DNAAF9: variants seen among roughly 807,000 people sequenced by gnomAD.
The protein encoded by DNAAF9 is shulin.
A neutral mutation model predicts 167.0 loss-of-function variants in DNAAF9; 90 were observed. The observed-to-expected ratio is 0.54, with a 90% CI of 0.45 to 0.64. The LOEUF (loss-of-function observed/expected upper bound fraction) is 0.64. Ranked by LOEUF, DNAAF9 falls within the 30% of genes least tolerant of loss-of-function variation. The probability of loss-of-function intolerance (pLI) is 0.00; values close to 1 mark genes in which losing one functional copy is unlikely to be tolerated. For synonymous variants in DNAAF9, 491 were observed against 508.8 expected (o/e 0.96, Z 0.47); for missense variants, 1,315 against 1,442.2 (o/e 0.91, Z 1.43).
chr20:3,274,436 C>T (rs778565789), intron 29 of DNAAF9, among the ~76,000 whole-genome samples: 1 of 152,212 alleles, frequency 6.6e-6, no homozygotes, highest in Non-Finnish European at 1.5e-5. Flanking sequence ...AGCCACTGCG[C>T]CTGGCCTGGA....
chr20:3,382,470 G>A lies in DNAAF9; in HGVS notation c.120C>T (p.Thr40=), dbSNP rs747460859. The part of the protein sequence containing the change: ...SRLRQVQSIL[T]QSSKSRPDGI... ...CATCCGGCCGAGACTTGCTGCTCTGGGTCAGGATGCTCTGAACCTGCCGAA... is the reference window on the plus strand; with the variant it reads ...CATCCGGCCGAGACTTGCTGCTCTGAGTCAGGATGCTCTGAACCTGCCGAA... The change falls in exon 2 of 37, where the codon ACC becomes ACT. Residue 40 remains threonine (T), a synonymous_variant. Coordinates refer to ENST00000252032, the MANE Select transcript of DNAAF9 (RefSeq NM_001009984.3). 3.7e-6 allele frequency: 6 copies of A among 1,613,858 alleles called. No individual in the cohort carries two copies. In the South Asian group the frequency reaches 6.6e-5, roughly 18 times the overall value.
At chr20:3,305,961 G>A (rs1054276272) in intron 20 of DNAAF9, among the ~76,000 whole-genome samples, 1 of 152,114 alleles carries the variant, frequency 6.6e-6, no homozygotes, top group Non-Finnish European at 1.5e-5. Context: ...GCCTCATCCT[G>A]TACCAACCCT....
Position 3,256,134 on chromosome 20 carries a change from T to C in DNAAF9, c.3133A>G (p.Thr1045Ala). 6.2e-7 allele frequency: 1 copy of C among 1,614,222 alleles called. No individual in the cohort carries two copies. The highest frequency in any genetic ancestry group is 8.5e-7 in the Non-Finnish European group (1 of 1,180,040). The change falls in exon 34 of 37, where the codon ACA (threonine) becomes GCA (alanine). Residue 1045 changes from threonine to alanine, a missense_variant. Physicochemically the swap from Thr to Ala is moderately conservative, Grantham distance 58. Transcript: ENST00000252032. Reference sequence around the variant, plus strand: ...ACGCTTTTGGAGTCTGGTGGTGGTGTGGGTCCTTCCAAAACTGGCATGATG... The same window carrying C: ...ACGCTTTTGGAGTCTGGTGGTGGTGCGGGTCCTTCCAAAACTGGCATGATG... ...LSIMPVLEGP[T>A]PPPDSKSVSQ...
chr20:3,373,437 C>T (rs189541541), intron 6 of DNAAF9, among the ~76,000 whole-genome samples: 379 of 152,276 alleles, frequency 2.5e-3, no homozygotes, highest in Non-Finnish European at 4.4e-3. Context: ...TACTCTGGAC[C>T]ACACACTGTC....
chr20:3,258,739 G>A (rs1293226767), intron 33 of DNAAF9, among the ~76,000 whole-genome samples: 2 of 152,054 alleles, frequency 1.3e-5, no homozygotes, highest in Non-Finnish European at 2.9e-5. Flanking sequence ...TCTGCTGCTT[G>A]AGCGCCTCAC....
At position 3,381,483 on chromosome 20, in the gene DNAAF9, T is replaced by C; in HGVS notation, c.179A>G (p.Tyr60Cys). The change falls in exon 3 of 37, where the codon TAC (tyrosine) becomes TGC (cysteine). Residue 60 changes from tyrosine to cysteine, a missense_variant. Transcript: ENST00000252032. ...ILCILGIDSR[Y>C]NEGCRELANY... ...TGCCAGCTCTCTGCAGCCTTCATTGTACCTGCTATCGATTCCTGCAAGGCA... is the reference window on the plus strand; with the variant it reads ...TGCCAGCTCTCTGCAGCCTTCATTGCACCTGCTATCGATTCCTGCAAGGCA... 1 of 1,613,850 alleles carries C rather than the reference T, an allele frequency of 6.2e-7. No individual in the cohort carries two copies. The highest frequency in any genetic ancestry group is 8.5e-7 in the Non-Finnish European group (1 of 1,179,890).
chr20:3,298,156 G>A lies in DNAAF9; in HGVS notation c.1802C>T (p.Ala601Val). Residue 601 changes from alanine to valine, a missense_variant, in exon 22 of 37, where the codon GCT becomes GTT. Physicochemically the swap from Ala to Val is moderately conservative, Grantham distance 64. Around this residue, in one of 2 missense-constraint regions of DNAAF9, gnomAD observed 981 missense variants for 1,012.5 expected, o/e 0.97. Coordinates refer to ENST00000252032, the MANE Select transcript of DNAAF9 (RefSeq NM_001009984.3). The stretch of plus-strand genomic sequence containing the variant: ...GCTTTTGAAGTCTATGAGAAGAGCA[G>A]CAACAGTACTGGTGGAATCCTAAAG... ...FYDGDSTSTV[A>V]ALLIDFKSSL... is the part of the protein sequence containing the mutation. 1 of 1,613,870 alleles carries A rather than the reference G, an allele frequency of 6.2e-7. No individual in the cohort carries two copies. The highest frequency in any genetic ancestry group is 8.5e-7 in the Non-Finnish European group (1 of 1,179,836).
chr20:3,319,655 T>C (rs944915993), intron 16 of DNAAF9, among the ~76,000 whole-genome samples: 10 of 152,008 alleles, frequency 6.6e-5, no homozygotes, highest in Non-Finnish European at 1.5e-4. Flanking sequence ...TCCCACCCCT[T>C]AGGACAGAGA....
intron 31 of DNAAF9, among the ~76,000 whole-genome samples, chr20:3,260,510 T>C (rs150678236): frequency 1.3e-5 from 2 of 152,316 alleles, no homozygotes; most frequent in African/African-American, 2.4e-5. Context: ...TACCTAACCT[T>C]AGACTAGCAG....
chr20:3,255,545 A>G (rs1279918796), intron 34 of DNAAF9, among the ~76,000 whole-genome samples: 2 of 152,136 alleles, frequency 1.3e-5, no homozygotes, highest in Non-Finnish European at 2.9e-5. Context: ...GCCTCTTTGT[A>G]GATTCTTATC....
rs776280940 is a variant in DNAAF9 at position 3,381,546 on chromosome 20, C to A, written c.164-48G>T. ...ATCAGCTGTACCATACTACAGGGAG[C>A]AAATGAGCCAATAATTTGCCCCTGC... On this transcript the variant is annotated intron_variant, in intron 2 of 36. Transcript: ENST00000252032. 10 of 1,566,042 alleles carry A rather than the reference C, an allele frequency of 6.4e-6. No individual in the cohort carries two copies. In the East Asian group the frequency reaches 1.4e-4, roughly 22 times the overall value.
chr20:3,383,974 C>T (rs1392900557), intron 1 of DNAAF9, among the ~76,000 whole-genome samples: 1 of 151,608 alleles, frequency 6.6e-6, no homozygotes, highest in Non-Finnish European at 1.5e-5. Flanking sequence ...AATTTTTGTA[C>T]TTTTTAGTAA....
At chr20:3,296,804 G>C in intron 23 of DNAAF9, 57 bp downstream of exon 23, 1 of 1,097,084 alleles carries the variant, frequency 9.1e-7, no homozygotes, top group African/African-American at 1.5e-5. Context: ...ATCCTGCAGA[G>C]AGAGCACACC....
At chr20:3,351,416 G>A (rs1296665873) in intron 7 of DNAAF9, among the ~76,000 whole-genome samples, 1 of 152,004 alleles carries the variant, frequency 6.6e-6, no homozygotes, top group African/African-American at 2.4e-5. Context: ...CCTAGGAGGT[G>A]GAGGCTGGAG....
chr20:3,350,121 TCAGA>T (rs2070285248), intron 7 of DNAAF9, among the ~76,000 whole-genome samples: 1 of 147,578 alleles, frequency 6.8e-6, no homozygotes, highest in Admixed American at 6.8e-5. Flanking sequence ...GCCCAGACTA[TCAGA>T]CACACAGACA....
At chr20:3,314,552 C>T (rs956850486) in intron 20 of DNAAF9, among the ~76,000 whole-genome samples, 1 of 152,164 alleles carries the variant, frequency 6.6e-6, no homozygotes, top group Non-Finnish European at 1.5e-5. Flanking sequence ...GGAGAAGATT[C>T]TTCCCCAGAG....
intron 29 of DNAAF9, among the ~76,000 whole-genome samples, chr20:3,271,705 T>C (rs2068596137): frequency 6.6e-6 from 1 of 151,868 alleles, no homozygotes; most frequent in Non-Finnish European, 1.5e-5. Context: ...CACTACAGTC[T>C]CCACCTCCCA....
chr20:3,289,288 T>TA (rs1555787820), intron 26 of DNAAF9, among the ~76,000 whole-genome samples: 2 of 152,178 alleles, frequency 1.3e-5, no homozygotes, highest in Non-Finnish European at 2.9e-5. Context: ...AGTATAATTT[T>TA]AAAAAATTAG....
At chr20:3,257,596 T>C (rs529307718) in intron 33 of DNAAF9, among the ~76,000 whole-genome samples, 6 of 152,110 alleles carry the variant, frequency 3.9e-5, no homozygotes, top group Admixed American at 6.5e-5. Flanking sequence ...CAGGCTGGAG[T>C]GCAGTGGCAC....
Sources: allele counts gnomAD v4.1 joint callset (sites outside exome capture counted in the v4.1 genomes callset), GRCh38; gene constraint gnomAD v4.1.1; regional missense constraint gnomAD v4.1.1; transcripts MANE v1.5; gene names NCBI Gene and HGNC (gene_info 2026-07-23, HGNC 2026-07-21).